The following CSMD3 variants were observed in gnomAD, a reference collection of about 807,000 sequenced individuals.
CSMD3 encodes the protein CUB and Sushi multiple domains 3, also known as CUB and sushi domain-containing protein 3.
CSMD3 carries 177 observed loss-of-function variants against 435.2 expected under a neutral mutation model. The ratio of observed to expected loss-of-function variants is 0.41; its 90% CI spans 0.36 to 0.46. The LOEUF is 0.46. Among genes scored for constraint, CSMD3 ranks in the 20% least tolerant of loss-of-function variants. CSMD3 has a pLI of 0.34. For missense variants in CSMD3, 4,265 were observed against 4,504.6 expected (o/e 0.95, Z 1.52); for synonymous variants, 1,656 against 1,520.5 (o/e 1.09, Z -2.07).
intron 32 of CSMD3, among the ~76,000 whole-genome samples, chr8:112,430,228 A>G (rs1813513875): frequency 6.6e-6 from 1 of 152,182 alleles, no homozygotes; most frequent in South Asian, 2.1e-4. Flanking sequence ...AAATCCAAGA[A>G]ATTAGCCATA....
intron 3 of CSMD3, among the ~76,000 whole-genome samples, chr8:113,225,010 CT>C (rs2093010621): frequency 6.6e-6 from 1 of 151,322 alleles, no homozygotes; most frequent in Non-Finnish European, 1.5e-5. Flanking sequence ...CTGTTTTCTT[CT>C]CTTAATCTTA....
intron 10 of CSMD3, among the ~76,000 whole-genome samples, chr8:112,909,690 C>T (rs930789188): frequency 6.6e-6 from 1 of 151,692 alleles, no homozygotes; most frequent in Non-Finnish European, 1.5e-5. Flanking sequence ...TGAAAAGGGA[C>T]AGTGGGAGTG....
chr8:113,375,188 C>A (rs2094373500), intron 1 of CSMD3, among the ~76,000 whole-genome samples: 1 of 152,092 alleles, frequency 6.6e-6, no homozygotes. Flanking sequence ...GACAACATAA[C>A]AGGTATTCTG....
At chr8:112,955,336 T>C (rs941646459) in intron 7 of CSMD3, among the ~76,000 whole-genome samples, 2 of 151,712 alleles carry the variant, frequency 1.3e-5, no homozygotes, top group Admixed American at 1.3e-4. Flanking sequence ...ACAAAATGTA[T>C]GAAAGTGAAC....
chr8:112,499,301 C>T (rs1386978172), intron 30 of CSMD3, among the ~76,000 whole-genome samples: 1 of 151,970 alleles, frequency 6.6e-6, no homozygotes, highest in African/African-American at 2.4e-5. Flanking sequence ...TGAAAGCAGG[C>T]TTTCATAATA....
chr8:112,897,012 A>G (rs987155366), intron 10 of CSMD3, among the ~76,000 whole-genome samples: 10 of 151,392 alleles, frequency 6.6e-5, no homozygotes, highest in African/African-American at 2.4e-4. Flanking sequence ...GATTTTGCAC[A>G]TACTACTTTC....
chr8:112,413,049 T>C (rs1442316617), intron 32 of CSMD3, among the ~76,000 whole-genome samples: 2 of 152,112 alleles, frequency 1.3e-5, no homozygotes, highest in Non-Finnish European at 2.9e-5. Context: ...ATTCGTGGAG[T>C]TCTCGACCAC....
intron 3 of CSMD3, among the ~76,000 whole-genome samples, chr8:113,244,774 G>A (rs10447963): frequency 0.37 from 55,805 of 151,800 alleles, 11,083 homozygotes; most frequent in African/African-American, 0.52. Context: ...TTTTTCTTGT[G>A]TTTTTGAGTG....
At chr8:113,087,252 G>A (rs891905153) in intron 5 of CSMD3, among the ~76,000 whole-genome samples, 1 of 152,082 alleles carries the variant, frequency 6.6e-6, no homozygotes, top group Admixed American at 6.5e-5. Flanking sequence ...TGGGTAGGAA[G>A]AATCAATATC....
At chr8:112,496,995 A>G (rs1212275841) in intron 30 of CSMD3, among the ~76,000 whole-genome samples, 2 of 152,214 alleles carry the variant, frequency 1.3e-5, no homozygotes, top group Non-Finnish European at 2.9e-5. Context: ...GCTTGATATT[A>G]TGGAAACCCC....
At chr8:113,237,902 C>T (rs1312449311) in intron 3 of CSMD3, among the ~76,000 whole-genome samples, 1 of 151,902 alleles carries the variant, frequency 6.6e-6, no homozygotes. Context: ...TGGTGAAGCC[C>T]CGCCTCTACT....
At chr8:112,890,032 T>A (rs996414273) in intron 10 of CSMD3, among the ~76,000 whole-genome samples, 1 of 151,666 alleles carries the variant, frequency 6.6e-6, no homozygotes, top group Non-Finnish European at 1.5e-5. Context: ...ATGAATATAG[T>A]TTTAAGAAAA....
intron 3 of CSMD3, among the ~76,000 whole-genome samples, chr8:113,249,184 A>G (rs2093310760): frequency 2.0e-5 from 3 of 152,104 alleles, no homozygotes; most frequent in Non-Finnish European, 2.9e-5. Context: ...ATTCACCTTC[A>G]GCCATGACTG....
chr8:113,235,652 T>C (rs1290447507), intron 3 of CSMD3, among the ~76,000 whole-genome samples: 1 of 152,070 alleles, frequency 6.6e-6, no homozygotes, highest in Non-Finnish European at 1.5e-5. Context: ...TCTGAGTGTA[T>C]GTGTGAGTGT....
intron 3 of CSMD3, among the ~76,000 whole-genome samples, chr8:113,232,614 A>G (rs1378385890): frequency 6.6e-6 from 1 of 151,806 alleles, no homozygotes; most frequent in African/African-American, 2.4e-5. Flanking sequence ...TGTAACTCTC[A>G]TGTGGTTAAA....
chr8:112,423,686 A>T (rs1563929017), intron 32 of CSMD3, among the ~76,000 whole-genome samples: 1 of 152,096 alleles, frequency 6.6e-6, no homozygotes, highest in Admixed American at 6.6e-5. Context: ...CTCAGGCTAA[A>T]GATACTTTTG....
At chr8:113,077,258 G>C (rs991570111) in intron 5 of CSMD3, among the ~76,000 whole-genome samples, 1 of 151,592 alleles carries the variant, frequency 6.6e-6, no homozygotes, top group African/African-American at 2.4e-5. Context: ...CCGGATCTCT[G>C]GATGATTTCT....
At chr8:113,412,015 G>A (rs1389737923) in intron 1 of CSMD3, among the ~76,000 whole-genome samples, 1 of 151,962 alleles carries the variant, frequency 6.6e-6, no homozygotes, top group African/African-American at 2.4e-5. Context: ...TTTTGCTCTA[G>A]TTTTTTACTT....
At chr8:113,249,573 A>C (rs2093314912) in intron 3 of CSMD3, among the ~76,000 whole-genome samples, 1 of 152,088 alleles carries the variant, frequency 6.6e-6, no homozygotes, top group African/African-American at 2.4e-5. Context: ...AAATAAATAT[A>C]TACTAGTACT....
Sources: allele counts gnomAD v4.1 joint callset (sites outside exome capture counted in the v4.1 genomes callset), GRCh38; gene constraint gnomAD v4.1.1; transcripts MANE v1.5; gene names NCBI Gene and HGNC (gene_info 2026-07-23, HGNC 2026-07-21).